Variants in ATRNL1 observed in about 807,000 individuals in gnomAD.
The protein encoded by ATRNL1 is attractin-like protein 1.
Under a neutral mutation model 182.7 loss-of-function variants are expected in ATRNL1, and 95 were observed. That is an observed-to-expected ratio of 0.52 (90% CI 0.44 to 0.62). The LOEUF (loss-of-function observed/expected upper bound fraction) is 0.62. Ranked by LOEUF, ATRNL1 falls within the 20% of genes least tolerant of loss-of-function variation. The pLI is 0.00. For synonymous variants in ATRNL1, 576 were observed against 568.3 expected, an observed-to-expected ratio of 1.01 and a Z score of -0.19; for missense variants, 1,471 against 1,679.5, an observed-to-expected ratio of 0.88 and a Z score of 2.17.
intron 19 of ATRNL1, among the ~76,000 whole-genome samples, chr10:115,368,752 C>T (rs181977049): frequency 3.5e-4 from 53 of 150,674 alleles, no homozygotes; most frequent in Admixed American, 2.1e-3. Context: ...CTCGCTCTTC[C>T]GCCCAGGCTG....
chr10:115,720,169 C>G (rs1055149208), intron 26 of ATRNL1, among the ~76,000 whole-genome samples: 1 of 151,914 alleles, frequency 6.6e-6, no homozygotes, highest in Non-Finnish European at 1.5e-5. Context: ...GGCCCCTATC[C>G]CTTTTAAATT....
chr10:115,888,771 C>T (rs1224843865), intron 28 of ATRNL1, among the ~76,000 whole-genome samples: 11 of 152,176 alleles, frequency 7.2e-5, no homozygotes, highest in Non-Finnish European at 1.3e-4. Context: ...AGTGACTTGA[C>T]GATTTAGGCC....
intron 19 of ATRNL1, among the ~76,000 whole-genome samples, chr10:115,392,051 A>G (rs1844055723): frequency 6.6e-6 from 1 of 152,138 alleles, no homozygotes; most frequent in Non-Finnish European, 1.5e-5. Flanking sequence ...AGAAAGGTTA[A>G]GGGAGCAACA....
chr10:115,402,907 GCCAAAATTCTACTTTACTAAT>G (rs1844632944), intron 20 of ATRNL1, among the ~76,000 whole-genome samples: 1 of 152,108 alleles, frequency 6.6e-6, no homozygotes. Context: ...TGGGATGGGA[GCCAAAATTCTACTTTACTAAT>G]AGTAAATTGT....
At chr10:115,500,779 G>A (rs1849787481) in intron 24 of ATRNL1, among the ~76,000 whole-genome samples, 1 of 151,872 alleles carries the variant, frequency 6.6e-6, no homozygotes, top group Admixed American at 6.6e-5. Flanking sequence ...GACCTCAGGT[G>A]ATCCGCCTGC....
At chr10:115,484,983 G>A (rs532771472) in intron 24 of ATRNL1, among the ~76,000 whole-genome samples, 39 of 151,902 alleles carry the variant, frequency 2.6e-4, no homozygotes, top group African/African-American at 8.2e-4. Context: ...CTATGTGAGC[G>A]AAAATGAGTG....
intron 25 of ATRNL1, among the ~76,000 whole-genome samples, chr10:115,524,866 C>T (rs1851128852): frequency 6.6e-6 from 1 of 152,148 alleles, no homozygotes; most frequent in Admixed American, 6.5e-5. Context: ...ATTTTGAATG[C>T]TTGGCTATCT....
At chr10:115,793,202 G>A (rs1949570338) in intron 27 of ATRNL1, among the ~76,000 whole-genome samples, 1 of 151,974 alleles carries the variant, frequency 6.6e-6, no homozygotes, top group Non-Finnish European at 1.5e-5. Flanking sequence ...TAATTGTATG[G>A]TTAGTCATTA....
chr10:115,249,482 T>C (rs951757303), intron 10 of ATRNL1, among the ~76,000 whole-genome samples: 9 of 152,196 alleles, frequency 5.9e-5, no homozygotes, highest in Admixed American at 3.3e-4. Context: ...TGCCTTCAGC[T>C]TGAGTTTTTA....
chr10:115,315,783 C>A, intron 18 of ATRNL1, 47 bp downstream of exon 18: 6 of 1,475,098 alleles, frequency 4.1e-6, no homozygotes, highest in South Asian at 2.5e-5. Context: ...CTTAAGGGAT[C>A]CAAGAAGGAG....
In ATRNL1 at chr10:115,160,129, T is replaced by G; in HGVS notation, c.919T>G (p.Ser307Ala). Reference protein sequence around the residue: ...KPFSPSVGRASHKAVLHGKFM... With the variant: ...KPFSPSVGRAAHKAVLHGKFM... ...CTTCAGTCCTTCTGTAGGTCGGGCT[T>G]CACATAAAGCAGTTTTACACGGGAA... The change falls in exon 6 of 29, where the codon TCA becomes GCA. Residue 307 changes from serine (S) to alanine (A), a missense_variant. Coordinates refer to ENST00000355044, the MANE Select transcript of ATRNL1 (RefSeq NM_207303.4). The G allele has an allele frequency of 6.2e-7, 1 of 1,612,790 alleles. No homozygotes were observed. Among genetic ancestry groups the G allele is most frequent in the Non-Finnish European group, 8.5e-7 (1 of 1,179,174 alleles).
At chr10:115,578,426 C>T (rs1854860610) in intron 26 of ATRNL1, among the ~76,000 whole-genome samples, 1 of 151,684 alleles carries the variant, frequency 6.6e-6, no homozygotes, top group South Asian at 2.1e-4. Flanking sequence ...CCACTTCAAT[C>T]ACTTTTTCTG....
At chr10:115,731,531 G>C (rs566874557) in intron 27 of ATRNL1, among the ~76,000 whole-genome samples, 1 of 151,338 alleles carries the variant, frequency 6.6e-6, no homozygotes, top group Non-Finnish European at 1.5e-5. Flanking sequence ...GTAAATTCTC[G>C]TTTAGGAAAG....
At position 115,523,048 on chromosome 10, in the gene ATRNL1, G is replaced by A. The variant is rs149993723; in HGVS notation, c.3716+3724G>A. Among the ~76,000 whole-genome samples the A allele has an allele frequency of 1.1e-4, 16 of 152,114 alleles. No homozygotes were observed. The East Asian group carries it at 3.1e-3, about 30-fold the overall frequency. On this transcript the variant is annotated intron_variant, in intron 25 of 28. Transcript: ENST00000355044. ...TTGCCTCACTAGCATCTGTCTGCAG[G>A]GTCTCCACCCCTATGGCAGGCTTCT... is the stretch of plus-strand genomic sequence containing the variant.
intron 17 of ATRNL1, among the ~76,000 whole-genome samples, chr10:115,313,585 A>G (rs551917547): frequency 6.6e-6 from 1 of 152,246 alleles, no homozygotes; most frequent in African/African-American, 2.4e-5. Context: ...TTCTTTCCCC[A>G]GTATTTTATT....
chr10:115,843,702 G>C (rs1950862572), intron 27 of ATRNL1, among the ~76,000 whole-genome samples: 1 of 152,070 alleles, frequency 6.6e-6, no homozygotes, highest in Non-Finnish European at 1.5e-5. Context: ...TGTAGGGAAT[G>C]TCATTTTGGA....
At chr10:115,809,978 T>G (rs1279806208) in intron 27 of ATRNL1, among the ~76,000 whole-genome samples, 1 of 151,994 alleles carries the variant, frequency 6.6e-6, no homozygotes, top group African/African-American at 2.4e-5. Context: ...ATTCTTAGTT[T>G]GCTGAGAAAT....
chr10:115,470,935 C>G (rs1310357612), intron 24 of ATRNL1, among the ~76,000 whole-genome samples: 1 of 150,504 alleles, frequency 6.6e-6, no homozygotes, highest in Non-Finnish European at 1.5e-5. Context: ...ATACAAAACA[C>G]AGTAAAATTA....
chr10:115,416,057 A>G (rs1554960785), intron 20 of ATRNL1, among the ~76,000 whole-genome samples: 1 of 152,176 alleles, frequency 6.6e-6, no homozygotes, highest in South Asian at 2.1e-4. Context: ...CTAAGCATTG[A>G]GATCAACTTT....
Sources: gnomAD v4.1 joint callset for allele counts (sites outside exome capture counted in the v4.1 genomes callset) on GRCh38, gnomAD v4.1.1 for gene constraint, MANE v1.5 for transcripts, NCBI Gene and HGNC (gene_info 2026-07-23, HGNC 2026-07-21) for gene names.